The following HCLS1 variants were observed in gnomAD, a reference collection of about 807,000 sequenced individuals.
HCLS1 encodes hematopoietic lineage cell-specific protein.
HCLS1 carries 44 observed loss-of-function variants against 68.6 expected under a neutral mutation model. The ratio of observed to expected loss-of-function variants is 0.64; its 90% confidence interval spans 0.50 to 0.82. HCLS1 has a LOEUF of 0.82. HCLS1 is among the 40% of genes least tolerant of loss of function. The pLI, the probability that HCLS1 is intolerant of heterozygous loss-of-function variation, is 0.00. For synonymous variants in HCLS1, 217 were observed against 225.8 expected, an observed-to-expected ratio of 0.96 and a Z score of 0.35; for missense variants, 602 against 612.1, an observed-to-expected ratio of 0.98 and a Z score of 0.17.
Position 121,631,725 on chromosome 3 carries a change from G to T in HCLS1, c.*121C>A. 1 of 1,052,116 alleles carries T rather than the reference G, an allele frequency of 9.5e-7. No individual in the cohort carries two copies. The highest frequency in any genetic ancestry group is 1.4e-6 in the Non-Finnish European group (1 of 717,854). 65.2% of individuals were successfully genotyped at this position (1,052,116 alleles called of 1,614,324 possible). ...CTGCCCCAAGCCCTTAATGAAGCAG[G>T]AGAGGGAAGTCTGTCCAGAACCTCA... On this transcript the variant is annotated 3_prime_UTR_variant, in exon 14 of 14. Transcript: ENST00000314583.
At chr3:121,648,497 G>T (rs1937659416) in intron 3 of HCLS1, among the ~76,000 whole-genome samples, 1 of 152,030 alleles carries the variant, frequency 6.6e-6, no homozygotes, top group Non-Finnish European at 1.5e-5. Context: ...GAAACATTTG[G>T]GCAAGAGAAC....
Position 121,647,575 on chromosome 3 carries a change from T to A in HCLS1, c.159-127A>T, listed in dbSNP as rs771555323. The A allele has an allele frequency of 4.2e-4, 359 of 856,610 alleles. 1 individual carries two copies. The highest frequency in any genetic ancestry group is 4.0e-3 in the Middle Eastern group (16 of 4,016). 53.1% of individuals were successfully genotyped at this position (856,610 alleles called of 1,614,324 possible). A position where few individuals can be genotyped will look rare whatever the true frequency, so the allele number is the denominator to read the frequency against. ...AGTAATAACCTGGGCCCCCAAAATA[T>A]ACTAGTGATGGGTCTGGAAGTAAAA... On this transcript the variant is annotated intron_variant, in intron 3 of 13. Transcript: ENST00000314583.
chr3:121,647,918 T>C (rs1937647908), intron 3 of HCLS1, among the ~76,000 whole-genome samples: 1 of 152,216 alleles, frequency 6.6e-6, no homozygotes, highest in African/African-American at 2.4e-5. Flanking sequence ...AAGCTTAATG[T>C]CCTTAATGTC....
chr3:121,655,823 CATTTATTTATTT>C (rs58817111), intron 3 of HCLS1, among the ~76,000 whole-genome samples: 78 of 137,892 alleles, frequency 5.7e-4, no homozygotes, highest in African/African-American at 1.1e-3. Flanking sequence ...TAATTGAAAC[CATTTATTTATTT>C]ATTTATTTAT....
At chr3:121,653,801 A>C (rs2107477787) in intron 3 of HCLS1, 1 of 152,320 alleles carries the variant, frequency 6.6e-6, no homozygotes, top group African/African-American at 2.4e-5. Flanking sequence ...CTCAGTAAAG[A>C]TTTAATCTAA....
At chr3:121,646,476 A>C (rs1423202831) in intron 4 of HCLS1, among the ~76,000 whole-genome samples, 4 of 104,940 alleles carry the variant, frequency 3.8e-5, no homozygotes, top group Non-Finnish European at 6.8e-5. Context: ...TATAATATAT[A>C]ATATAGATAT....
chr3:121,644,133 T>A (rs1005126783), intron 5 of HCLS1: 7 of 155,714 alleles, frequency 4.5e-5, no homozygotes, highest in African/African-American at 1.7e-4. Flanking sequence ...CTGTCCTCTC[T>A]CTGTGTGCAG....
chr3:121,639,701 G>T (rs1201399259), intron 6 of HCLS1, among the ~76,000 whole-genome samples: 1 of 152,080 alleles, frequency 6.6e-6, no homozygotes, highest in East Asian at 1.9e-4. Context: ...GGTTTGTGAT[G>T]AATGAAAATT....
At chr3:121,641,146 C>T (rs2049194213) in intron 6 of HCLS1, among the ~76,000 whole-genome samples, 1 of 151,960 alleles carries the variant, frequency 6.6e-6, no homozygotes, top group African/African-American at 2.4e-5. Flanking sequence ...GTAGATCTAA[C>T]ATTCAGACAC....
intron 3 of HCLS1, among the ~76,000 whole-genome samples, chr3:121,651,599 T>A (rs1394825079): frequency 6.6e-6 from 1 of 152,140 alleles, no homozygotes; most frequent in Non-Finnish European, 1.5e-5. Flanking sequence ...TTTTAATTTT[T>A]TTGTAGACTC....
At chr3:121,659,067 A>C (rs2107482747) in intron 1 of HCLS1, among the ~76,000 whole-genome samples, 1 of 152,372 alleles carries the variant, frequency 6.6e-6, no homozygotes, top group Non-Finnish European at 1.5e-5. Context: ...GCATGTTTTC[A>C]AGTTGACAAT....
chr3:121,644,882 G>A lies in HCLS1; in HGVS notation c.335C>T (p.Ser112Phe). 1 of 1,614,164 alleles carries A rather than the reference G, an allele frequency of 6.2e-7. No individual in the cohort carries two copies. The highest frequency in any genetic ancestry group is 8.5e-7 in the Non-Finnish European group (1 of 1,180,006). ...AAAGCCTTTGGCAGCATCCGTCTGA[G>A]AAGAGTGCTTCTCCACCTCGGCAAC... ...EYVAEVEKHS[S>F]QTDAAKGFGG... is the part of the protein sequence containing the mutation. The change falls in exon 5 of 14, where the codon TCT (serine) becomes TTT (phenylalanine). Residue 112 changes from serine to phenylalanine, a missense_variant. Ser to Phe is a radical substitution (Grantham distance 155). Coordinates refer to ENST00000314583, the MANE Select transcript of HCLS1 (RefSeq NM_005335.6).
intron 6 of HCLS1, among the ~76,000 whole-genome samples, chr3:121,642,455 C>A (rs1189251093): frequency 6.6e-6 from 1 of 151,708 alleles, no homozygotes; most frequent in African/African-American, 2.4e-5. Flanking sequence ...GGTGACAGAG[C>A]GAGACTCCCT....
In HCLS1 at chr3:121,642,978, C is replaced by T; in HGVS notation, c.403G>A (p.Ala135Thr). 6.2e-7 allele frequency: 1 copy of T among 1,612,526 alleles called. No individual in the cohort carries two copies. The highest frequency in any genetic ancestry group is 8.5e-7 in the Non-Finnish European group (1 of 1,178,666). ...TCTCCTTTATAATCAAAGCCGACTG[C>T]TGACTACAGAGAAGAGGAGACAGAA... ...GVERDRADKSAVGFDYKGEVE... is the reference protein window; with the variant it reads ...GVERDRADKSTVGFDYKGEVE... Residue 135 changes from alanine (A) to threonine (T), a missense_variant, in exon 6 of 14, where the codon GCA becomes ACA. Transcript: ENST00000314583.
chr3:121,639,317 A>G (rs574832114), intron 6 of HCLS1, among the ~76,000 whole-genome samples: 3 of 152,314 alleles, frequency 2.0e-5, no homozygotes, highest in African/African-American at 7.2e-5. Context: ...ATAAGTCTCT[A>G]AGACAGTAAG....
intron 10 of HCLS1, 70 bp downstream of exon 10, chr3:121,634,137 G>A (rs778043102): frequency 2.0e-5 from 32 of 1,600,764 alleles, no homozygotes; most frequent in Non-Finnish European, 2.7e-5. Context: ...TCTGCCAATG[G>A]TTTGGACCCC....
chr3:121,639,310 AG>A, intron 6 of HCLS1, among the ~76,000 whole-genome samples: 1 of 152,212 alleles, frequency 6.6e-6, no homozygotes, highest in Non-Finnish European at 1.5e-5. Context: ...CCAGTCCATA[AG>A]TCTCTAAGAC....
At chr3:121,646,342 G>A (rs1362583553) in intron 4 of HCLS1, among the ~76,000 whole-genome samples, 1 of 86,926 alleles carries the variant, frequency 1.2e-5, no homozygotes, top group Non-Finnish European at 2.0e-5. Flanking sequence ...ATTAATTATA[G>A]TATATAATAT....
chr3:121,658,474 T>C (rs1268984806), intron 1 of HCLS1, 127 bp from the exon 2 acceptor site: 9 of 717,540 alleles, frequency 1.3e-5, no homozygotes, highest in South Asian at 1.1e-4. Flanking sequence ...TAGAAGAAAA[T>C]AGAAAATGAA....
Sources: gnomAD v4.1 joint callset for allele counts (sites outside exome capture counted in the v4.1 genomes callset) on GRCh38, gnomAD v4.1.1 for gene constraint, MANE v1.5 for transcripts, NCBI Gene and HGNC (gene_info 2026-07-23, HGNC 2026-07-21) for gene names.